The following COL23A1 variants were observed in gnomAD, a reference collection of about 807,000 sequenced individuals.
The protein encoded by COL23A1 is collagen alpha-1(XXIII) chain.
A neutral mutation model predicts 99.3 loss-of-function variants in COL23A1; 97 were observed. The ratio of observed to expected loss-of-function variants is 0.98; its 90% confidence interval spans 0.83 to 1.16. The LOEUF (loss-of-function observed/expected upper bound fraction) is 1.16. COL23A1 is among the 50% of genes most tolerant of loss of function. The pLI is 0.00. For synonymous variants in COL23A1, 320 were observed against 308.2 expected, an observed-to-expected ratio of 1.04 and a Z score of -0.40; for missense variants, 762 against 757.4, an observed-to-expected ratio of 1.01 and a Z score of -0.07.
intron 2 of COL23A1, among the ~76,000 whole-genome samples, chr5:178,481,967 C>A (rs1373782668): frequency 6.7e-6 from 1 of 149,604 alleles, no homozygotes; most frequent in African/African-American, 2.5e-5. Flanking sequence ...CACATGTATA[C>A]ATATGTAACA....
In COL23A1 at chr5:178,573,926, T is replaced by A. The variant is rs552871541; in HGVS notation, c.295-13178A>T. Among the ~76,000 whole-genome samples, 21 of 152,140 alleles carry A rather than the reference T, an allele frequency of 1.4e-4. No individual in the cohort carries two copies. The East Asian group carries it at 3.9e-3, about 28-fold the overall frequency. ...CAGGCTGGAGTACAGTGATGCAATC[T>A]CCACTCACTGCAAATTCAGCCTCCC... On this transcript the variant is annotated intron_variant, in intron 1 of 28. Transcript: ENST00000390654.
intron 2 of COL23A1, among the ~76,000 whole-genome samples, chr5:178,535,318 G>C (rs772200639): frequency 6.6e-6 from 1 of 152,178 alleles, no homozygotes; most frequent in African/African-American, 2.4e-5. Context: ...AGGCCCTGAC[G>C]CTCTCAGAGC....
rs202134540 is a variant in COL23A1, at chr5:178,358,246, ATG to A, written c.362-51329_362-51328del. Among the ~76,000 whole-genome samples the A allele has an allele frequency of 3.5e-3, 451 of 128,588 alleles. 3 individuals are homozygous for A. Among genetic ancestry groups the A allele is most frequent in the Non-Finnish European group, 5.8e-3 (349 of 59,754 alleles). The allele number at this position is 128,588 out of a possible 152,430, so 84.4% of individuals were successfully genotyped here. On this transcript the variant is annotated intron_variant, in intron 2 of 28. Transcript: ENST00000390654. ...CTAATGTGTGTATGTGTGTATGTGTATGTGTGTGTATGTATATGTGTGTATAT... is the reference window on the plus strand; with the variant it reads ...CTAATGTGTGTATGTGTGTATGTGTATGTGTGTATGTATATGTGTGTATAT...
intron 2 of COL23A1, among the ~76,000 whole-genome samples, chr5:178,511,120 T>A (rs1222705306): frequency 2.0e-5 from 3 of 152,184 alleles, no homozygotes; most frequent in African/African-American, 7.2e-5. Flanking sequence ...CCTGTTCTTG[T>A]TTTTTTCCCC....
intron 24 of COL23A1, 92 bp downstream of exon 24, chr5:178,246,162 C>A: frequency 1.2e-6 from 1 of 826,876 alleles, no homozygotes; most frequent in Non-Finnish European, 1.7e-6. Flanking sequence ...AGTGCAGGGA[C>A]CCAGTGAGGT....
At chr5:178,354,360 C>T (rs1288050819) in intron 2 of COL23A1, among the ~76,000 whole-genome samples, 2 of 152,144 alleles carry the variant, frequency 1.3e-5, no homozygotes, top group South Asian at 2.1e-4. Flanking sequence ...AGGCACATGC[C>T]ACCATGCCCT....
chr5:178,417,141 T>A (rs1765355801), intron 2 of COL23A1, among the ~76,000 whole-genome samples: 1 of 152,244 alleles, frequency 6.6e-6, no homozygotes. Flanking sequence ...GAAAGGAGGC[T>A]TGTGCTTACT....
At chr5:178,296,588 C>A (rs575380548) in intron 3 of COL23A1, among the ~76,000 whole-genome samples, 3 of 152,176 alleles carry the variant, frequency 2.0e-5, no homozygotes, top group Non-Finnish European at 4.4e-5. Flanking sequence ...ACAGAAAGAG[C>A]GGTAATGTGT....
At chr5:178,243,196 CAAACAA>C (rs1388939092) in intron 25 of COL23A1, among the ~76,000 whole-genome samples, 9 of 29,764 alleles carry the variant, frequency 3.0e-4, no homozygotes, top group Admixed American at 1.1e-3. Context: ...TCTCAAAAAA[CAAACAA>C]AGAGGCCAGG....
chr5:178,509,366 G>A (rs1430844311), intron 2 of COL23A1, among the ~76,000 whole-genome samples: 5 of 152,096 alleles, frequency 3.3e-5, no homozygotes, highest in South Asian at 2.1e-4. Flanking sequence ...GACTACAAGC[G>A]CCCACCACCA....
Position 178,590,211 on chromosome 5 carries a change from C to T in COL23A1, c.-14G>A. ...GCCTGGGCCCATGGCGCGTTCGTCG[C>T]GCGTGGACTCTCCGAGGGGGCGGTG... On this transcript the variant is annotated 5_prime_UTR_variant, in exon 1 of 29. Coordinates refer to ENST00000390654, the MANE Select transcript of COL23A1 (RefSeq NM_173465.4). The surrounding 1 kb of genome is among the most constrained non-coding windows in gnomAD (Gnocchi z 5.7). 1 of 1,209,776 alleles carries T rather than the reference C, an allele frequency of 8.3e-7. No individual in the cohort carries two copies. Among genetic ancestry groups the T allele is most frequent in the Non-Finnish European group, 1.0e-6 (1 of 974,730 alleles). The allele number at this position is 1,209,776 out of a possible 1,614,324, so 74.9% of individuals were successfully genotyped here.
chr5:178,296,539 A>T (rs544012182), intron 3 of COL23A1, among the ~76,000 whole-genome samples: 21 of 151,916 alleles, frequency 1.4e-4, no homozygotes, highest in Non-Finnish European at 2.8e-4. Context: ...GGGAGGACCC[A>T]GGCCCCCTTT....
rs2973799 is a variant in COL23A1, at chr5:178,306,698, G to C, written c.406+177C>G. Among the ~76,000 whole-genome samples, 103,126 of 151,196 alleles carry C rather than the reference G, an allele frequency of 0.68. 35,736 individuals carry two copies. The highest frequency in any genetic ancestry group is 0.75 in the Non-Finnish European group (51,044 of 67,700). ...AATGCCAAGAAGCCCCGGAAAGGCA[G>C]TACTGGGTGCTGCGGCCTCAGGAAA... is the stretch of plus-strand genomic sequence containing the variant. On this transcript the variant is annotated intron_variant, in intron 3 of 28. Coordinates refer to ENST00000390654, the MANE Select transcript of COL23A1 (RefSeq NM_173465.4). This position sits in a 1 kb window ranked among gnomAD's most constrained non-coding sequence, Gnocchi z 4.1.
intron 2 of COL23A1, among the ~76,000 whole-genome samples, chr5:178,510,373 C>A (rs941796582): frequency 6.6e-6 from 1 of 152,152 alleles, no homozygotes; most frequent in African/African-American, 2.4e-5. Context: ...GAAACCCTGT[C>A]TCTACTAAAA....
intron 2 of COL23A1, among the ~76,000 whole-genome samples, chr5:178,376,464 C>A (rs957460041): frequency 1.3e-5 from 2 of 152,218 alleles, no homozygotes; most frequent in African/African-American, 2.4e-5. Context: ...CCCCCCACTG[C>A]CTGGTGCTGG....
Position 178,278,586 on chromosome 5 carries a change from C to T in COL23A1, c.442-8223G>A, listed in dbSNP as rs367814041. Among the ~76,000 whole-genome samples, 16 of 152,274 alleles carry T rather than the reference C, an allele frequency of 1.1e-4. No homozygotes were observed. In the East Asian group the frequency reaches 1.4e-3, roughly 13 times the overall value. On this transcript the variant is annotated intron_variant, in intron 5 of 28. Coordinates refer to ENST00000390654, the MANE Select transcript of COL23A1 (RefSeq NM_173465.4). The stretch of plus-strand genomic sequence containing the variant: ...TTTCTCACTTGCCGGCGGCTGCAAG[C>T]GTCAGTGAGCCCGTGAGCCTGCAAT...
At chr5:178,350,964 GACCACTTCCTACCTGACAT>G (rs1271926643) in intron 2 of COL23A1, 1 of 152,308 alleles carries the variant, frequency 6.6e-6, no homozygotes, top group Non-Finnish European at 1.5e-5. Context: ...ACCAGGGAGG[GACCACTTCCTACCTGACAT>G]CAAGGACAGG....
chr5:178,300,283 G>C (rs1016167973), intron 3 of COL23A1, among the ~76,000 whole-genome samples: 1 of 149,668 alleles, frequency 6.7e-6, no homozygotes, highest in African/African-American at 2.5e-5. Flanking sequence ...GGCCGGGCTG[G>C]TCTTGAACTC....
At chr5:178,326,248 T>C (rs1759646196) in intron 2 of COL23A1, among the ~76,000 whole-genome samples, 3 of 152,324 alleles carry the variant, frequency 2.0e-5, no homozygotes, top group African/African-American at 4.8e-5. Flanking sequence ...ATATGTTTCT[T>C]GTCTCCTACG....
Sources: gnomAD v4.1 joint callset for allele counts (sites outside exome capture counted in the v4.1 genomes callset) on GRCh38, gnomAD v4.1.1 for gene constraint, Gnocchi (gnomAD v3.1) non-coding constraint, MANE v1.5 for transcripts, NCBI Gene and HGNC (gene_info 2026-07-23, HGNC 2026-07-21) for gene names.